Variants in CHD1L observed in about 807,000 individuals in gnomAD.
CHD1L encodes the protein chromodomain helicase DNA binding protein 1 like.
In CHD1L, 118 loss-of-function variants were observed where a neutral mutation model predicts 115.9. The observed-to-expected ratio is 1.02, with a 90% CI of 0.88 to 1.19. CHD1L has a LOEUF of 1.19. Among genes scored for constraint, CHD1L ranks in the 50% most tolerant of loss-of-function variants. CHD1L has a pLI of 0.00. For synonymous variants in CHD1L, 411 were observed against 387.1 expected, an observed-to-expected ratio of 1.06 and a Z score of -0.72; for missense variants, 1,179 against 1,065.3, an observed-to-expected ratio of 1.11 and a Z score of -1.49.
At chr1:147,284,612 A>T in intron 16 of CHD1L, 113 bp downstream of exon 16, 1 of 954,356 alleles carries the variant, frequency 1.0e-6, no homozygotes, top group Non-Finnish European at 1.5e-6. Context: ...TCAAGAAATA[A>T]GTATGTGTTT....
the CHD1L span, among the ~76,000 whole-genome samples, chr1:147,197,976 A>C: frequency 6.6e-6 from 1 of 152,310 alleles, no homozygotes; most frequent in Admixed American, 6.5e-5. Flanking sequence ...GTGGGAAGGA[A>C]GAGAGTCTGA....
the CHD1L span, chr1:147,201,562 A>C: frequency 3.6e-6 from 5 of 1,396,934 alleles, no homozygotes; most frequent in Non-Finnish European, 5.0e-6. Context: ...TCAGTACCAC[A>C]TAAGTAAAAT....
chr1:147,259,843 T>A lies in CHD1L; in HGVS notation c.501T>A (p.Pro167=). The change falls in exon 6 of 23, where the codon CCT becomes CCA. Residue 167 remains proline (P), a synonymous_variant. Coordinates refer to ENST00000369258, the MANE Select transcript of CHD1L (RefSeq NM_004284.6). ...LKDASFLKSF[P]WSVLVVDEAH... is the part of the protein sequence containing the mutation. ...CTTGGGTTTTCTCTCACAGATTCCC[T>A]TGGAGTGTTCTTGTTGTGGATGAAG... 2 of 1,613,642 alleles carry A rather than the reference T, an allele frequency of 1.2e-6. No individual in the cohort carries two copies. Among genetic ancestry groups the A allele is most frequent in the Non-Finnish European group, 1.7e-6 (2 of 1,179,630 alleles).
chr1:147,284,609 ATAAG>A (rs1572110513), intron 16 of CHD1L, 110 bp downstream of exon 16: 1 of 979,644 alleles, frequency 1.0e-6, no homozygotes, highest in East Asian at 2.7e-5. Context: ...TTGTCAAGAA[ATAAG>A]TATGTGTTTG....
At chr1:147,272,124 C>T in intron 11 of CHD1L, 47 bp from the exon 12 acceptor site, 1 of 1,502,774 alleles carries the variant, frequency 6.7e-7, no homozygotes, top group South Asian at 1.2e-5. Flanking sequence ...TCCCCAAAGA[C>T]TACTTGAAAA....
Position 147,267,493 on chromosome 1 carries a change from T to A in CHD1L, c.963T>A (p.Cys321Ter). The change falls in exon 9 of 23, where the codon TGT (cysteine) becomes TGA (stop). Residue 321 changes from cysteine to a stop codon, truncating the protein, a stop_gained. Transcript: ENST00000369258. LOFTEE classifies it high-confidence loss of function. ...LQNILSQLRKCVDHPYLFDGV... is the reference protein window; with the variant it reads ...LQNILSQLRK ...ACATTTTGTCCCAGCTTCGAAAGTG[T>A]GTGGATCACCCATATTTGTTTGATG... 1 of 1,612,596 alleles carries A rather than the reference T, an allele frequency of 6.2e-7. No individual in the cohort carries two copies. Among genetic ancestry groups the A allele is most frequent in the Non-Finnish European group, 8.5e-7 (1 of 1,179,194 alleles).
the CHD1L span, among the ~76,000 whole-genome samples, chr1:147,198,850 CAAAAAAAAAAAAAA>C: frequency 1.2e-4 from 6 of 51,764 alleles, no homozygotes; most frequent in Non-Finnish European, 1.5e-4. Flanking sequence ...GACTGCATCT[CAAAAAAAAAAAAAA>C]AAAAAAAAAA....
the CHD1L span, among the ~76,000 whole-genome samples, chr1:147,220,614 C>T: frequency 6.6e-6 from 1 of 152,150 alleles, no homozygotes; most frequent in Non-Finnish European, 1.5e-5. Context: ...CAAGCCAGGA[C>T]ATCAAGGTTA....
the CHD1L span, among the ~76,000 whole-genome samples, chr1:147,230,929 C>A: frequency 6.6e-6 from 1 of 151,620 alleles, no homozygotes; most frequent in African/African-American, 2.4e-5. Flanking sequence ...AGCAGTCTAT[C>A]AATTTTGTTT....
intron 8 of CHD1L, 121 bp from the exon 9 acceptor site, chr1:147,267,305 G>GT (rs1396874918): frequency 3.2e-6 from 2 of 631,652 alleles, no homozygotes; most frequent in African/African-American, 3.7e-5. Context: ...TGGGAGGTTA[G>GT]TATAGGTTCA....
At chr1:147,258,866 CAAAAT>C (rs1670990831) in intron 5 of CHD1L, 2 of 152,040 alleles carry the variant, frequency 1.3e-5, no homozygotes, top group African/African-American at 4.8e-5. Flanking sequence ...TGTTTATAAT[CAAAAT>C]AAAAAGTTAA....
chr1:147,218,769 T>G, the CHD1L span, among the ~76,000 whole-genome samples: 1 of 152,238 alleles, frequency 6.6e-6, no homozygotes, highest in Non-Finnish European at 1.5e-5. Context: ...CCTGAAACAC[T>G]CTAGGCTCTT....
At chr1:147,223,774 T>G in the CHD1L span, 1 of 251,456 alleles carries the variant, frequency 4.0e-6, no homozygotes, top group East Asian at 1.3e-4. Context: ...TATAAGCTGC[T>G]GAAAGCACTT....
At position 147,255,019 on chromosome 1, in the gene CHD1L, T is replaced by TTC. The variant is rs1167365944; in HGVS notation, c.347+43_347+44insTC. Reference sequence around the variant, plus strand: ...CTGAAATTTTATTGTTTATCTTGATTAAGATTTTTTTTCTGGATGATGTAT... The same window carrying TTC: ...CTGAAATTTTATTGTTTATCTTGATTTCAAGATTTTTTTTCTGGATGATGTAT... On this transcript the variant is annotated intron_variant, in intron 3 of 22. Coordinates refer to ENST00000369258, the MANE Select transcript of CHD1L (RefSeq NM_004284.6). The TTC allele has an allele frequency of 5.7e-6, 8 of 1,407,038 alleles. No individual in the cohort carries two copies. In the East Asian group the frequency reaches 1.9e-4, roughly 33 times the overall value. 87.2% of individuals were successfully genotyped at this position (1,407,038 alleles called of 1,614,324 possible).
intron 6 of CHD1L, chr1:147,260,397 G>C (rs587709116): frequency 6.6e-6 from 1 of 152,076 alleles, no homozygotes; most frequent in Non-Finnish European, 1.5e-5. Context: ...TTTCGAGTTC[G>C]ATTTCTGCAG....
chr1:147,256,476 C>T (rs781821495), intron 4 of CHD1L, 55 bp from the exon 5 acceptor site: 1 of 1,469,470 alleles, frequency 6.8e-7, no homozygotes, highest in Non-Finnish European at 9.5e-7. Context: ...ACTAGCTTAT[C>T]AATATCAGAG....
chr1:147,280,139 C>T lies in CHD1L; in HGVS notation c.1653C>T (p.Val551=), dbSNP rs1553960875. The stretch of plus-strand genomic sequence containing the variant: ...GAGAAACAAAAGATGGCCAGTGGGT[C>T]TCTGATGCCTTGCCTGCAGCAGAAG... ...ILGETKDGQW[V]SDALPAAEGG... is the part of the protein sequence containing the mutation. Residue 551 remains valine (V), a synonymous_variant, in exon 15 of 23, where the codon GTC becomes GTT. Transcript: ENST00000369258. 4 of 1,613,048 alleles carry T rather than the reference C, an allele frequency of 2.5e-6. No individual in the cohort carries two copies. In the African/African-American group the frequency reaches 4.0e-5, roughly 16 times the overall value.
chr1:147,236,481 C>T, the CHD1L span, among the ~76,000 whole-genome samples: 1 of 152,188 alleles, frequency 6.6e-6, no homozygotes, highest in Non-Finnish European at 1.5e-5. Context: ...TGAAGAGAAA[C>T]TTTATTGAGT....
intron 10 of CHD1L, among the ~76,000 whole-genome samples, chr1:147,270,508 C>T (rs1159952559): frequency 8.7e-5 from 5 of 57,362 alleles, no homozygotes; most frequent in African/African-American, 3.7e-4. Flanking sequence ...TCAGAGTCTC[C>T]AGTTTTTCTT....
Sources: gnomAD v4.1 joint callset for allele counts (sites outside exome capture counted in the v4.1 genomes callset) on GRCh38, gnomAD v4.1.1 for gene constraint, MANE v1.5 for transcripts, NCBI Gene and HGNC (gene_info 2026-07-23, HGNC 2026-07-21) for gene names.